The following NLGN1 variants were observed in gnomAD, a reference collection of about 807,000 sequenced individuals.
NLGN1 encodes neuroligin-1.
Under a neutral mutation model 65.5 loss-of-function variants are expected in NLGN1, and 12 were observed. The observed-to-expected ratio is 0.18, with a 90% CI of 0.12 to 0.30. The LOEUF is 0.30. NLGN1 is among the 10% of genes least tolerant of loss of function. The probability of loss-of-function intolerance (pLI) is 1.00; values close to 1 mark genes in which losing one functional copy is unlikely to be tolerated. For synonymous variants in NLGN1, 350 were observed against 359.5 expected (o/e 0.97, Z 0.30); for missense variants, 750 against 1,007.1 (o/e 0.74, Z 3.46).
intron 4 of NLGN1, among the ~76,000 whole-genome samples, chr3:173,995,502 C>G (rs1029009397): frequency 1.3e-5 from 2 of 152,140 alleles, no homozygotes; most frequent in Non-Finnish European, 2.9e-5. Context: ...CTAGTCCAAT[C>G]AAATATGTCA....
intron 4 of NLGN1, among the ~76,000 whole-genome samples, chr3:174,134,873 A>C (rs1446869474): frequency 6.6e-6 from 1 of 152,150 alleles, no homozygotes; most frequent in Non-Finnish European, 1.5e-5. Context: ...TATCCAGCAA[A>C]TTTTTGGAAG....
At chr3:174,289,405 CAACT>C (rs1235090468), downstream of NLGN1, among the ~76,000 whole-genome samples, 1 of 151,240 alleles carries the variant, frequency 6.6e-6, no homozygotes, top group Non-Finnish European at 1.5e-5. Flanking sequence ...TACTAGCAGC[CAACT>C]GATTACTCTT....
At chr3:173,714,047 A>G (rs1337901365) in intron 3 of NLGN1, among the ~76,000 whole-genome samples, 2 of 152,172 alleles carry the variant, frequency 1.3e-5, no homozygotes, top group Non-Finnish European at 2.9e-5. Flanking sequence ...TTGAATGCAA[A>G]GTGTAATAGA....
intron 4 of NLGN1, among the ~76,000 whole-genome samples, chr3:173,878,257 G>T (rs998714287): frequency 6.6e-6 from 1 of 152,102 alleles, no homozygotes; most frequent in Non-Finnish European, 1.5e-5. Flanking sequence ...GGTCAGGCTG[G>T]TCTCGAACTT....
Position 174,266,732 on chromosome 3 carries a change from A to ATGTATT in NLGN1, c.647-8581_647-8576dup, listed in dbSNP as rs1227209884. 5.9e-5 allele frequency among the ~76,000 whole-genome samples: 9 copies of ATGTATT among 152,258 alleles called. No homozygotes were observed. In the East Asian group the frequency reaches 1.7e-3, roughly 29 times the overall value. On this transcript the variant is annotated intron_variant, in intron 4 of 6. Transcript: ENST00000457714. ...TGCCAGCATGTTATTTTTTGAACATATGTATTTTGAGATGCTTTGCCAACT... is the reference window on the plus strand; with the variant it reads ...TGCCAGCATGTTATTTTTTGAACATATGTATTTGTATTTTGAGATGCTTTGCCAACT...
rs559805694 is a variant in NLGN1, at chr3:173,700,018, T to G, written c.493+94927T>G. The stretch of plus-strand genomic sequence containing the variant: ...TACCAAACTGAGCAGATTTACATTC[T>G]TCCCATCACAAGGACAAAACTCCAC... On this transcript the variant is annotated intron_variant, in intron 3 of 6. Transcript: ENST00000457714. 1.2e-3 allele frequency among the ~76,000 whole-genome samples: 184 copies of G among 152,352 alleles called. 6 individuals carry two copies. In the South Asian group the frequency reaches 0.037, roughly 31 times the overall value.
chr3:174,160,911 C>T (rs1726375356), intron 4 of NLGN1, among the ~76,000 whole-genome samples: 1 of 151,376 alleles, frequency 6.6e-6, no homozygotes, highest in South Asian at 2.1e-4. Context: ...ATGAACCATA[C>T]CCACCTCCTG....
chr3:173,795,908 T>C (rs950801529), intron 3 of NLGN1, among the ~76,000 whole-genome samples: 1 of 152,108 alleles, frequency 6.6e-6, no homozygotes, highest in Non-Finnish European at 1.5e-5. Context: ...CTTCAAAGAC[T>C]GCTGGGTCAA....
At chr3:174,152,515 AG>A (rs1258037266) in intron 4 of NLGN1, among the ~76,000 whole-genome samples, 1 of 152,068 alleles carries the variant, frequency 6.6e-6, no homozygotes, top group South Asian at 2.1e-4. Flanking sequence ...GGGAGCGGGG[AG>A]GGATAGCATT....
At chr3:174,119,122 C>T (rs904254638) in intron 4 of NLGN1, among the ~76,000 whole-genome samples, 1 of 151,962 alleles carries the variant, frequency 6.6e-6, no homozygotes, top group Non-Finnish European at 1.5e-5. Context: ...TTATTGAAAT[C>T]TCAAATAATA....
intron 2 of NLGN1, among the ~76,000 whole-genome samples, chr3:173,511,069 A>G (rs934980177): frequency 4.6e-5 from 7 of 152,176 alleles, no homozygotes; most frequent in African/African-American, 1.7e-4. Flanking sequence ...TTTTATGGTT[A>G]TTCTATGAGT....
chr3:173,927,534 T>G (rs765118757), intron 4 of NLGN1, among the ~76,000 whole-genome samples: 2 of 152,152 alleles, frequency 1.3e-5, no homozygotes, highest in Non-Finnish European at 2.9e-5. Flanking sequence ...CTGGCTACTA[T>G]ACACTTCTTC....
At chr3:173,570,894 G>C (rs576682766) in intron 2 of NLGN1, among the ~76,000 whole-genome samples, 114 of 152,188 alleles carry the variant, frequency 7.5e-4, no homozygotes, top group Admixed American at 1.4e-3. Flanking sequence ...AGTAGAGATG[G>C]GGTTTCACCA....
At chr3:174,200,553 T>G (rs1327818633) in intron 4 of NLGN1, among the ~76,000 whole-genome samples, 1 of 152,120 alleles carries the variant, frequency 6.6e-6, no homozygotes, top group African/African-American at 2.4e-5. Context: ...GCAGACGAGG[T>G]GAAGCATGGC....
At chr3:173,976,107 C>G (rs1421523290) in intron 4 of NLGN1, among the ~76,000 whole-genome samples, 1 of 152,028 alleles carries the variant, frequency 6.6e-6, no homozygotes, top group African/African-American at 2.4e-5. Flanking sequence ...TATTCTACAA[C>G]TCTACATTCA....
At position 174,187,566 on chromosome 3, in the gene NLGN1, T is replaced by C. The variant is rs573520379; in HGVS notation, c.647-87749T>C. 2.0e-5 allele frequency among the ~76,000 whole-genome samples: 3 copies of C among 152,122 alleles called. No homozygotes were observed. The South Asian group carries it at 6.2e-4, about 32-fold the overall frequency. Reference sequence around the variant, plus strand: ...GTGGATTCTGTCTGAAACTGAAAGATTGTTGGATTTAGACATAGAAAATGC... The same window carrying C: ...GTGGATTCTGTCTGAAACTGAAAGACTGTTGGATTTAGACATAGAAAATGC... On this transcript the variant is annotated intron_variant, in intron 4 of 6. Transcript: ENST00000457714.
At chr3:173,756,832 A>C (rs926904017) in intron 3 of NLGN1, among the ~76,000 whole-genome samples, 1 of 151,720 alleles carries the variant, frequency 6.6e-6, no homozygotes, top group African/African-American at 2.4e-5. Flanking sequence ...AGAAAAAAAA[A>C]CAAATTTACA....
rs146607086 is a variant in NLGN1, at chr3:174,167,995, T to C, written c.647-107320T>C. On this transcript the variant is annotated intron_variant, in intron 4 of 6. Coordinates refer to ENST00000457714, the Ensembl canonical transcript of NLGN1. ...TTTTTTCTGTTTTTTTTCCAGTCTA[T>C]TGATAAAGTTTTCAATTATATTTTG... Among the ~76,000 whole-genome samples, 520 of 152,234 alleles carry C rather than the reference T, an allele frequency of 3.4e-3. 2 individuals are homozygous for C. The highest frequency in any genetic ancestry group is 0.012 in the African/African-American group (497 of 41,566).
At chr3:174,181,810 T>C (rs7632415) in intron 4 of NLGN1, among the ~76,000 whole-genome samples, 28,153 of 147,156 alleles carry the variant, frequency 0.19, 3,050 homozygotes, top group African/African-American at 0.28. Context: ...CACACACATA[T>C]GTATGTACAC....
Sources: allele counts gnomAD v4.1 joint callset (sites outside exome capture counted in the v4.1 genomes callset), GRCh38; gene constraint gnomAD v4.1.1; transcripts MANE v1.5; gene names NCBI Gene and HGNC (gene_info 2026-07-23, HGNC 2026-07-21).